ATRNL1: variants seen among roughly 807,000 people sequenced by gnomAD.
ATRNL1 encodes the protein attractin-like protein 1.
ATRNL1 carries 95 observed loss-of-function variants against 182.7 expected under a neutral mutation model. That is an observed-to-expected ratio of 0.52 (90% confidence interval 0.44 to 0.62). The LOEUF (loss-of-function observed/expected upper bound fraction) is 0.62, where lower values mean the gene tolerates loss of function less well. ATRNL1 is among the 20% of genes least tolerant of loss of function. The pLI is 0.00. For missense variants in ATRNL1, 1,471 were observed against 1,679.5 expected, an observed-to-expected ratio of 0.88 and a Z score of 2.17; for synonymous variants, 576 against 568.3, an observed-to-expected ratio of 1.01 and a Z score of -0.19.
In ATRNL1 at chr10:115,163,775, A is replaced by G. The variant is rs368480791; in HGVS notation, c.1005-1783A>G. Among the ~76,000 whole-genome samples the G allele has an allele frequency of 3.7e-4, 56 of 152,310 alleles. 1 individual carries two copies. The South Asian group carries it at 0.011, about 30-fold the overall frequency. On this transcript the variant is annotated intron_variant, in intron 6 of 28. Transcript: ENST00000355044. The stretch of plus-strand genomic sequence containing the variant: ...CTGGCCCTTTACAGAAATAGTTTGT[A>G]CAGCCCTAATTTATGATAACTTGGA...
rs191563889 is a variant in ATRNL1, at chr10:115,700,872, C to T, written c.3796-26376C>T. Among the ~76,000 whole-genome samples the T allele has an allele frequency of 2.0e-5, 3 of 151,970 alleles. No homozygotes were observed. In the East Asian group the frequency reaches 5.8e-4, roughly 30 times the overall value. The stretch of plus-strand genomic sequence containing the variant: ...CAATAATAGAGGGGAAGTGCAACAC[C>T]CCACTAACAGCATTAGATAGATCAT... On this transcript the variant is annotated intron_variant, in intron 26 of 28. Transcript: ENST00000355044.
intron 28 of ATRNL1, among the ~76,000 whole-genome samples, chr10:115,904,295 T>C (rs1272232277): frequency 1.3e-5 from 2 of 152,058 alleles, no homozygotes; most frequent in Non-Finnish European, 1.5e-5. Context: ...AGGGGTGGCA[T>C]TTGGGGTTTT....
At chr10:115,908,544 A>T (rs1952571844) in intron 28 of ATRNL1, among the ~76,000 whole-genome samples, 1 of 152,182 alleles carries the variant, frequency 6.6e-6, no homozygotes, top group Non-Finnish European at 1.5e-5. Context: ...GTTGTCCAGG[A>T]TAATCTCTCC....
intron 8 of ATRNL1, among the ~76,000 whole-genome samples, chr10:115,196,404 T>G (rs1457807391): frequency 1.3e-5 from 2 of 152,126 alleles, no homozygotes; most frequent in Non-Finnish European, 2.9e-5. Flanking sequence ...TAAAAAGTTT[T>G]GAGCTATTCT....
At chr10:115,598,660 C>G (rs2804215) in intron 26 of ATRNL1, among the ~76,000 whole-genome samples, 1 of 152,004 alleles carries the variant, frequency 6.6e-6, no homozygotes, top group African/African-American at 2.4e-5. Context: ...AAAACCCATT[C>G]CTATTATAAT....
At chr10:115,730,926 A>C (rs1555062554) in intron 27 of ATRNL1, among the ~76,000 whole-genome samples, 1 of 152,172 alleles carries the variant, frequency 6.6e-6, no homozygotes, top group Non-Finnish European at 1.5e-5. Flanking sequence ...AAGAACTTGG[A>C]GTCCAGTGTT....
intron 28 of ATRNL1, among the ~76,000 whole-genome samples, chr10:115,869,196 C>T (rs1194798150): frequency 3.3e-5 from 5 of 152,118 alleles, no homozygotes; most frequent in East Asian, 1.9e-4. Context: ...GGACACACAA[C>T]GTGTTTCACA....
At chr10:115,908,285 G>T (rs1952563180) in intron 28 of ATRNL1, among the ~76,000 whole-genome samples, 1 of 152,172 alleles carries the variant, frequency 6.6e-6, no homozygotes, top group African/African-American at 2.4e-5. Flanking sequence ...AGTTCTGGAG[G>T]TCGGAAGTCT....
chr10:115,207,185 A>G (rs975933276), intron 8 of ATRNL1, among the ~76,000 whole-genome samples: 1 of 152,092 alleles, frequency 6.6e-6, no homozygotes, highest in Admixed American at 6.6e-5. Flanking sequence ...ATGATTTATA[A>G]TCCTTTGGGT....
intron 11 of ATRNL1, 43 bp downstream of exon 11, chr10:115,265,320 C>A: frequency 8.2e-7 from 1 of 1,212,496 alleles, no homozygotes; most frequent in Non-Finnish European, 1.2e-6. Flanking sequence ...TCACTTATAT[C>A]AGTCATACTA....
In ATRNL1 at chr10:115,278,337, T is replaced by C. The variant is rs868927621; in HGVS notation, c.2101-3018T>C. ...AGAAAAACTTGGGACAAAATAAATT[T>C]AGCAGAGCTTATTTGAACAAAGATT... On this transcript the variant is annotated intron_variant, in intron 13 of 28. Transcript: ENST00000355044. 5.3e-5 allele frequency among the ~76,000 whole-genome samples: 8 copies of C among 152,344 alleles called. No individual in the cohort carries two copies. The East Asian group carries it at 1.5e-3, about 29-fold the overall frequency.
intron 24 of ATRNL1, among the ~76,000 whole-genome samples, chr10:115,511,110 A>G (rs1850362503): frequency 6.6e-6 from 1 of 151,940 alleles, no homozygotes; most frequent in Admixed American, 6.6e-5. Flanking sequence ...GTTTTATTCC[A>G]GAAATATGTT....
intron 21 of ATRNL1, among the ~76,000 whole-genome samples, chr10:115,457,406 T>C (rs951848104): frequency 2.8e-4 from 43 of 152,028 alleles, no homozygotes; most frequent in African/African-American, 1.0e-3. Context: ...GGTTGTGGAC[T>C]CTATCCAGAA....
intron 25 of ATRNL1, among the ~76,000 whole-genome samples, chr10:115,543,867 G>A (rs1852496428): frequency 6.6e-6 from 1 of 151,936 alleles, no homozygotes; most frequent in South Asian, 2.1e-4. Flanking sequence ...TCCTGTAGCT[G>A]ATATACTTGC....
intron 27 of ATRNL1, among the ~76,000 whole-genome samples, chr10:115,824,768 G>A (rs1950388965): frequency 6.6e-6 from 1 of 152,052 alleles, no homozygotes; most frequent in Non-Finnish European, 1.5e-5. Flanking sequence ...GTCAGATGCT[G>A]GAGAGGATGT....
intron 28 of ATRNL1, among the ~76,000 whole-genome samples, chr10:115,864,388 G>C (rs183732068): frequency 2.0e-5 from 3 of 152,166 alleles, no homozygotes; most frequent in Admixed American, 2.0e-4. Flanking sequence ...AAATACCACA[G>C]TAGTAATTGT....
intron 28 of ATRNL1, among the ~76,000 whole-genome samples, chr10:115,922,816 A>C (rs945272194): frequency 1.3e-5 from 2 of 152,198 alleles, no homozygotes; most frequent in Non-Finnish European, 2.9e-5. Context: ...TATAGAGGAA[A>C]GAGCAATATG....
chr10:115,540,247 A>G (rs1236660566), intron 25 of ATRNL1, among the ~76,000 whole-genome samples: 4 of 152,084 alleles, frequency 2.6e-5, no homozygotes, highest in Non-Finnish European at 5.9e-5. Flanking sequence ...GAATTGGAGA[A>G]CTGAGCTCAT....
chr10:115,386,024 CT>C (rs1230727045), intron 19 of ATRNL1, among the ~76,000 whole-genome samples: 14 of 150,886 alleles, frequency 9.3e-5, no homozygotes, highest in South Asian at 2.1e-4. Flanking sequence ...TTTTTAAATG[CT>C]TTTTTTTTCT....
Sources: gnomAD v4.1 joint callset for allele counts (sites outside exome capture counted in the v4.1 genomes callset) on GRCh38, gnomAD v4.1.1 for gene constraint, MANE v1.5 for transcripts, NCBI Gene and HGNC (gene_info 2026-07-23, HGNC 2026-07-21) for gene names.